Variants in ANKRD44 observed in about 807,000 individuals in gnomAD.
ANKRD44 encodes the protein serine/threonine-protein phosphatase 6 regulatory ankyrin repeat subunit B.
ANKRD44 carries 35 observed loss-of-function variants against 116.0 expected under a neutral mutation model. That is an observed-to-expected ratio of 0.30 (90% CI 0.23 to 0.40). ANKRD44 has a LOEUF of 0.40. Among genes scored for constraint, ANKRD44 ranks in the 10% least tolerant of loss-of-function variants. The pLI is 1.00. For synonymous variants in ANKRD44, 435 were observed against 461.8 expected, an observed-to-expected ratio of 0.94 and a Z score of 0.74; for missense variants, 1,014 against 1,242.6, an observed-to-expected ratio of 0.82 and a Z score of 2.77.
intron 8 of ANKRD44, among the ~76,000 whole-genome samples, chr2:197,118,633 G>A (rs62279218): frequency 0.043 from 2,111 of 48,676 alleles, 61 homozygotes; most frequent in African/African-American, 0.12. Context: ...GAGAGAGAGA[G>A]AGAGAGAAAG....
chr2:197,105,067 T>C (rs1338867714), intron 9 of ANKRD44, among the ~76,000 whole-genome samples: 1 of 152,178 alleles, frequency 6.6e-6, no homozygotes, highest in Non-Finnish European at 1.5e-5. Context: ...TGATCTTTCT[T>C]CAAATCTTTG....
chr2:197,065,570 A>G (rs1265690653), intron 16 of ANKRD44, among the ~76,000 whole-genome samples: 7 of 152,200 alleles, frequency 4.6e-5, no homozygotes, highest in Non-Finnish European at 8.8e-5. Context: ...AATAAAGAAG[A>G]AAAGAGAGAA....
At chr2:197,234,087 A>G (rs1209327943) in intron 1 of ANKRD44, among the ~76,000 whole-genome samples, 3 of 152,198 alleles carry the variant, frequency 2.0e-5, no homozygotes, top group Non-Finnish European at 4.4e-5. Context: ...GTAAACCAGA[A>G]AGCCTCCATA....
downstream of ANKRD44, among the ~76,000 whole-genome samples, chr2:196,983,416 C>T (rs2075816737): frequency 6.6e-6 from 1 of 152,178 alleles, no homozygotes; most frequent in Admixed American, 6.5e-5. Flanking sequence ...TAGAACATAA[C>T]AAACTCATTC....
intron 17 of ANKRD44, 135 bp from the exon 18 acceptor site, chr2:197,013,847 T>A: frequency 1.2e-6 from 1 of 821,620 alleles, no homozygotes; most frequent in Non-Finnish European, 2.0e-6. Context: ...ACACTTGGAA[T>A]ATTTATTAAA....
At chr2:196,989,975 G>C in intron 27 of ANKRD44, 1 of 1,037,684 alleles carries the variant, frequency 9.6e-7, no homozygotes, top group Non-Finnish European at 1.2e-6. Context: ...AATGTTATTA[G>C]ATAAATTTGG....
At chr2:197,112,236 A>G (rs907155679) in intron 8 of ANKRD44, among the ~76,000 whole-genome samples, 2 of 152,234 alleles carry the variant, frequency 1.3e-5, no homozygotes, top group African/African-American at 4.8e-5. Flanking sequence ...TCTAAGTCTG[A>G]GATTAAAATA....
intron 2 of ANKRD44, among the ~76,000 whole-genome samples, chr2:197,148,758 A>G (rs144799932): frequency 3.3e-3 from 508 of 152,308 alleles, no homozygotes; most frequent in Admixed American, 5.5e-3. Context: ...GACAAAAAGG[A>G]GTTTGGATTC....
chr2:197,066,502 C>T (rs2077436213), intron 16 of ANKRD44, among the ~76,000 whole-genome samples: 1 of 152,192 alleles, frequency 6.6e-6, no homozygotes, highest in African/African-American at 2.4e-5. Context: ...GTCAAATTGT[C>T]TCTGTTTGCA....
At chr2:196,989,868 G>T in intron 27 of ANKRD44, 1 of 1,211,614 alleles carries the variant, frequency 8.3e-7, no homozygotes, top group Non-Finnish European at 1.0e-6. Context: ...TTTTTTAAAA[G>T]TTAGTATTTT....
At chr2:197,164,279 G>C (rs906920007) in intron 2 of ANKRD44, among the ~76,000 whole-genome samples, 2 of 152,212 alleles carry the variant, frequency 1.3e-5, no homozygotes, top group Non-Finnish European at 2.9e-5. Flanking sequence ...TGGGTAGCAA[G>C]ACCCCTTGGT....
chr2:197,235,564 C>T (rs1412614511), intron 1 of ANKRD44, among the ~76,000 whole-genome samples: 1 of 147,418 alleles, frequency 6.8e-6, no homozygotes, highest in Non-Finnish European at 1.5e-5. Flanking sequence ...TGCAGTGAGC[C>T]GAGATTGTTG....
At chr2:197,116,136 C>T (rs2078701586) in intron 8 of ANKRD44, among the ~76,000 whole-genome samples, 1 of 152,156 alleles carries the variant, frequency 6.6e-6, no homozygotes, top group Admixed American at 6.5e-5. Flanking sequence ...GCTGAAGTCC[C>T]TTATCCAATC....
intron 1 of ANKRD44, among the ~76,000 whole-genome samples, chr2:197,305,982 T>C (rs2084060948): frequency 6.9e-6 from 1 of 145,394 alleles, no homozygotes; most frequent in Admixed American, 6.8e-5. Context: ...TATATATATA[T>C]ATATATATAT....
intron 8 of ANKRD44, among the ~76,000 whole-genome samples, chr2:197,113,433 C>T (rs1488778745): frequency 3.9e-5 from 6 of 152,162 alleles, no homozygotes; most frequent in Non-Finnish European, 2.9e-5. Flanking sequence ...AATTTTGCTC[C>T]AGTGTTTTCT....
chr2:197,014,558 C>T (rs1022042135), intron 17 of ANKRD44, among the ~76,000 whole-genome samples: 3 of 151,984 alleles, frequency 2.0e-5, no homozygotes, highest in South Asian at 2.1e-4. Flanking sequence ...GAGGCCGAGA[C>T]GGGTGGATCA....
chr2:197,013,825 C>T lies in ANKRD44; in HGVS notation c.1723-113G>A, dbSNP rs997062914. ...CATGGATAGAGACCACTCCCAAGAG[C>T]ACGTCAGAAAAACACTTGGAATATT... On this transcript the variant is annotated intron_variant, in intron 17 of 27. Transcript: ENST00000282272. 3.9e-6 allele frequency: 4 copies of T among 1,023,164 alleles called. No individual in the cohort carries two copies. In the African/African-American group the frequency reaches 6.5e-5, roughly 17 times the overall value. The allele number at this position is 1,023,164 out of a possible 1,614,324, so 63.4% of individuals were successfully genotyped here. A position where few individuals can be genotyped will look rare whatever the true frequency, so the allele number is the denominator to read the frequency against.
chr2:197,116,379 AC>A (rs1231996479), intron 8 of ANKRD44, among the ~76,000 whole-genome samples: 1 of 152,244 alleles, frequency 6.6e-6, no homozygotes, highest in African/African-American at 2.4e-5. Flanking sequence ...TCCTTCAGAT[AC>A]CAGGATGGCA....
chr2:197,162,795 A>G (rs895955933), intron 2 of ANKRD44, among the ~76,000 whole-genome samples: 2 of 152,216 alleles, frequency 1.3e-5, no homozygotes, highest in Non-Finnish European at 2.9e-5. Context: ...ACAGGGCAGA[A>G]ACAGTCTTAT....
Sources: allele counts gnomAD v4.1 joint callset (sites outside exome capture counted in the v4.1 genomes callset), GRCh38; gene constraint gnomAD v4.1.1; transcripts MANE v1.5; gene names NCBI Gene and HGNC (gene_info 2026-07-23, HGNC 2026-07-21).